ROBO1: variants seen among roughly 807,000 people sequenced by gnomAD.
ROBO1 encodes the protein roundabout guidance receptor 1.
In ROBO1, 149 loss-of-function variants were observed where a neutral mutation model predicts 195.9. The ratio of observed to expected loss-of-function variants is 0.76; its 90% CI spans 0.67 to 0.87. ROBO1 has a LOEUF of 0.87. ROBO1 is among the 40% of genes least tolerant of loss of function. The pLI is 0.00. For missense variants in ROBO1, 1,933 were observed against 2,068.3 expected, an observed-to-expected ratio of 0.93 and a Z score of 1.27; for synonymous variants, 816 against 733.2, an observed-to-expected ratio of 1.11 and a Z score of -1.82.
chr3:78,656,987 C>A (rs1406398974), intron 18 of ROBO1, 111 bp downstream of exon 18: 3 of 1,002,120 alleles, frequency 3.0e-6, no homozygotes, highest in African/African-American at 1.6e-5. Flanking sequence ...AAGCCATATT[C>A]CATATTCTAT....
intron 3 of ROBO1, among the ~76,000 whole-genome samples, chr3:79,050,465 C>G (rs573857575): frequency 6.6e-6 from 1 of 152,068 alleles, no homozygotes; most frequent in East Asian, 1.9e-4. Flanking sequence ...TTTAACACCC[C>G]ACTACCAATA....
chr3:79,589,377 A>T (rs1403479261), intron 2 of ROBO1, among the ~76,000 whole-genome samples: 1 of 151,720 alleles, frequency 6.6e-6, no homozygotes, highest in African/African-American at 2.4e-5. Flanking sequence ...TTTTATTCTT[A>T]CATTGTTCAG....
chr3:78,946,080 C>T (rs2040424479), intron 3 of ROBO1, among the ~76,000 whole-genome samples: 1 of 152,052 alleles, frequency 6.6e-6, no homozygotes, highest in Non-Finnish European at 1.5e-5. Flanking sequence ...AGAATGGAAC[C>T]AAGTTGGAAA....
At chr3:79,575,323 T>G (rs1473063086) in intron 2 of ROBO1, among the ~76,000 whole-genome samples, 1 of 121,838 alleles carries the variant, frequency 8.2e-6, no homozygotes, top group Non-Finnish European at 1.6e-5. Flanking sequence ...ATATATAACA[T>G]ATATATAAAT....
chr3:79,571,458 G>A (rs922544402), intron 2 of ROBO1, among the ~76,000 whole-genome samples: 5 of 151,912 alleles, frequency 3.3e-5, no homozygotes, highest in Admixed American at 1.3e-4. Flanking sequence ...TAAACTCAAA[G>A]GGGGGAAAAA....
intron 8 of ROBO1, among the ~76,000 whole-genome samples, chr3:78,711,810 C>T (rs1346184056): frequency 1.3e-5 from 2 of 150,988 alleles, no homozygotes; most frequent in Non-Finnish European, 2.9e-5. Flanking sequence ...TTCTACCATT[C>T]AAGCAGAAGT....
chr3:79,483,085 C>T (rs1363834813), intron 2 of ROBO1, among the ~76,000 whole-genome samples: 1 of 152,140 alleles, frequency 6.6e-6, no homozygotes, highest in Admixed American at 6.5e-5. Context: ...ACAGTTGTGT[C>T]ATGTAAAATA....
intron 3 of ROBO1, among the ~76,000 whole-genome samples, chr3:78,974,204 A>C (rs2076836235): frequency 6.6e-6 from 1 of 152,174 alleles, no homozygotes; most frequent in Non-Finnish European, 1.5e-5. Flanking sequence ...ATTAGTGTAC[A>C]AATAAAGTCC....
chr3:79,291,831 T>A (rs559855220), intron 2 of ROBO1, among the ~76,000 whole-genome samples: 30 of 152,260 alleles, frequency 2.0e-4, no homozygotes, highest in Non-Finnish European at 3.7e-4. Context: ...TGGCCCCAAG[T>A]TTTTTGAAAT....
At chr3:79,445,058 C>T (rs1041313458) in intron 2 of ROBO1, among the ~76,000 whole-genome samples, 2 of 151,752 alleles carry the variant, frequency 1.3e-5, no homozygotes, top group African/African-American at 2.4e-5. Context: ...TTTTTTTAAA[C>T]ATTAGTTGAT....
At chr3:78,818,646 T>C (rs1014405497) in intron 4 of ROBO1, among the ~76,000 whole-genome samples, 4 of 152,210 alleles carry the variant, frequency 2.6e-5, no homozygotes, top group Non-Finnish European at 5.9e-5. Context: ...TCTTGAAGCA[T>C]TCTTGCCTCA....
intron 4 of ROBO1, among the ~76,000 whole-genome samples, chr3:78,791,503 AT>A (rs2084019310): frequency 6.6e-6 from 1 of 152,224 alleles, no homozygotes; most frequent in Non-Finnish European, 1.5e-5. Flanking sequence ...CCTGAATCTA[AT>A]AAAGTTCAAG....
chr3:78,996,711 CACAA>C (rs1318134581), intron 3 of ROBO1, among the ~76,000 whole-genome samples: 2 of 152,050 alleles, frequency 1.3e-5, no homozygotes, highest in African/African-American at 2.4e-5. Context: ...CATACACACA[CACAA>C]ACACACACAC....
chr3:78,661,305 T>C (rs1448227036), intron 15 of ROBO1, 44 bp from the exon 16 acceptor site: 1 of 1,189,246 alleles, frequency 8.4e-7, no homozygotes, highest in Non-Finnish European at 1.1e-6. Flanking sequence ...TATTATTGTA[T>C]TGGTTCATCA....
At chr3:78,659,660 AATAT>A in intron 17 of ROBO1, 22 bp downstream of exon 17, 2 of 1,346,090 alleles carry the variant, frequency 1.5e-6, no homozygotes, top group Non-Finnish European at 9.7e-7. Flanking sequence ...TCAGGACATT[AATAT>A]ATATATATAT....
At chr3:79,154,967 G>A (rs1401056017) in intron 2 of ROBO1, among the ~76,000 whole-genome samples, 1 of 151,696 alleles carries the variant, frequency 6.6e-6, no homozygotes, top group African/African-American at 2.4e-5. Flanking sequence ...ATTTTCTGTG[G>A]TTGAATTCTG....
chr3:78,861,057 G>T (rs900346826), intron 4 of ROBO1, among the ~76,000 whole-genome samples: 3 of 152,040 alleles, frequency 2.0e-5, no homozygotes, highest in African/African-American at 7.2e-5. Context: ...TTATGCTAAT[G>T]AATTTCCTAT....
chr3:78,696,827 A>G (rs1269110672), intron 8 of ROBO1, among the ~76,000 whole-genome samples: 2 of 151,442 alleles, frequency 1.3e-5, no homozygotes, highest in Non-Finnish European at 2.9e-5. Flanking sequence ...ATAGTTTAAA[A>G]AAGACCTGGA....
chr3:78,598,844 G>A lies in ROBO1; in HGVS notation c.*69C>T. Reference sequence around the variant, plus strand: ...CACTGAACATTTTATCTGGCGTCATGTGTCATCTGACAGGAGGCATCTTGA... The same window carrying A: ...CACTGAACATTTTATCTGGCGTCATATGTCATCTGACAGGAGGCATCTTGA... On this transcript the variant is annotated 3_prime_UTR_variant, in exon 31 of 31. Transcript: ENST00000464233. 3 of 1,003,246 alleles carry A rather than the reference G, an allele frequency of 3.0e-6. No homozygotes were observed. The highest frequency in any genetic ancestry group is 4.5e-6 in the Non-Finnish European group (3 of 666,382). The allele number at this position is 1,003,246 out of a possible 1,614,324, so 62.1% of individuals were successfully genotyped here.
Sources: allele counts gnomAD v4.1 joint callset (sites outside exome capture counted in the v4.1 genomes callset), GRCh38; gene constraint gnomAD v4.1.1; transcripts MANE v1.5; gene names NCBI Gene and HGNC (gene_info 2026-07-23, HGNC 2026-07-21).